The following TRPM3 variants were observed in gnomAD, a reference collection of about 807,000 sequenced individuals.
The protein encoded by TRPM3 is long transient receptor potential channel 3.
Under a neutral mutation model 181.2 loss-of-function variants are expected in TRPM3, and 77 were observed. The observed-to-expected ratio is 0.42, with a 90% CI of 0.35 to 0.51. The LOEUF is 0.51. Among genes scored for constraint, TRPM3 ranks in the 20% least tolerant of loss-of-function variants. The pLI is 0.01. For synonymous variants in TRPM3, 745 were observed against 796.4 expected (o/e 0.94, Z 1.09); for missense variants, 1,759 against 2,196.7 (o/e 0.80, Z 3.98).
chr9:70,995,945 T>C (rs1157889290), intron 1 of TRPM3, among the ~76,000 whole-genome samples: 9 of 152,192 alleles, frequency 5.9e-5, no homozygotes, highest in African/African-American at 1.9e-4. Context: ...CCCTGGAGCC[T>C]TAGGCTTTAT....
intron 22 of TRPM3, among the ~76,000 whole-genome samples, chr9:70,561,979 A>C (rs894711208): frequency 6.6e-6 from 1 of 152,224 alleles, no homozygotes; most frequent in Admixed American, 6.5e-5. Context: ...TTTTTAGGAA[A>C]GACTGAGCTC....
At chr9:71,227,672 A>C (rs138640866) in intron 1 of TRPM3, among the ~76,000 whole-genome samples, 278 of 152,276 alleles carry the variant, frequency 1.8e-3, no homozygotes, top group Non-Finnish European at 2.8e-3. Context: ...CCAATACTGC[A>C]GAAATCCAAA....
chr9:71,253,276 C>T (rs1425704331), intron 1 of TRPM3, among the ~76,000 whole-genome samples: 2 of 152,074 alleles, frequency 1.3e-5, no homozygotes, highest in Non-Finnish European at 1.5e-5. Context: ...GACTCAAAGA[C>T]AAATGTTTAT....
chr9:70,966,327 C>G (rs2097185175), intron 1 of TRPM3, among the ~76,000 whole-genome samples: 1 of 152,042 alleles, frequency 6.6e-6, no homozygotes, highest in South Asian at 2.1e-4. Context: ...TTGTGGAAAG[C>G]AGTGTGGCAA....
rs138405083 is a variant in TRPM3, at chr9:70,999,399, G to A, written c.177+121779C>T. 8.4e-4 allele frequency among the ~76,000 whole-genome samples: 128 copies of A among 152,306 alleles called. 1 individual carries two copies. The highest frequency in any genetic ancestry group is 1.7e-3 in the Non-Finnish European group (115 of 68,032). On this transcript the variant is annotated intron_variant, in intron 1 of 25. Transcript: ENST00000677713. Reference sequence around the variant, plus strand: ...GAATTTACTAGGACAGGGCACAGCTGTACCTGGGCCTGAACGTGATCTGAA... The same window carrying A: ...GAATTTACTAGGACAGGGCACAGCTATACCTGGGCCTGAACGTGATCTGAA...
intron 1 of TRPM3, among the ~76,000 whole-genome samples, chr9:71,291,605 A>C (rs2085817475): frequency 6.6e-6 from 1 of 152,128 alleles, no homozygotes; most frequent in South Asian, 2.1e-4. Flanking sequence ...AGGTAAAAGA[A>C]AGTCATTACC....
At chr9:71,330,943 A>G (rs1434321262) in intron 1 of TRPM3, among the ~76,000 whole-genome samples, 2 of 151,778 alleles carry the variant, frequency 1.3e-5, no homozygotes, top group East Asian at 1.9e-4. Flanking sequence ...GTTTTACAAG[A>G]CTTGTCTGGG....
chr9:70,690,804 A>G (rs2068303928), intron 8 of TRPM3, among the ~76,000 whole-genome samples: 1 of 152,222 alleles, frequency 6.6e-6, no homozygotes, highest in Admixed American at 6.5e-5. Context: ...CTGTAAGCAC[A>G]TATTAGCTTC....
At chr9:71,105,799 G>A (rs577504744) in intron 1 of TRPM3, among the ~76,000 whole-genome samples, 34 of 152,294 alleles carry the variant, frequency 2.2e-4, no homozygotes, top group African/African-American at 6.7e-4. Context: ...AACGTAGTAC[G>A]TGTATACACA....
chr9:70,980,940 A>T (rs1167145000), intron 1 of TRPM3, among the ~76,000 whole-genome samples: 2 of 152,194 alleles, frequency 1.3e-5, no homozygotes, highest in Non-Finnish European at 2.9e-5. Flanking sequence ...ATATTTATTT[A>T]AGGAATTGAA....
At chr9:71,172,405 T>A (rs7871124) in intron 1 of TRPM3, among the ~76,000 whole-genome samples, 2,258 of 152,088 alleles carry the variant, frequency 0.015, 42 homozygotes, top group African/African-American at 0.037. Flanking sequence ...AAATAGCAAG[T>A]CATAATTTTT....
At position 70,531,438 on chromosome 9, in the gene TRPM3, T is replaced by C. The variant is rs1304226750; in HGVS notation, c.*4515A>G. The stretch of plus-strand genomic sequence containing the variant: ...CAGCAGGCAATAGTAAAATGTTAAG[T>C]GCCTTAGAAAAGTCAAAAGAAATGC... On this transcript the variant is annotated 3_prime_UTR_variant, in exon 26 of 26. Transcript: ENST00000677713. 1 of 152,202 alleles carries C rather than the reference T, an allele frequency of 6.6e-6. No individual in the cohort carries two copies. The highest frequency in any genetic ancestry group is 1.9e-4 in the East Asian group (1 of 5,196). The allele number at this position is 152,202 out of a possible 1,614,324, so 9.4% of individuals were successfully genotyped here.
At chr9:70,627,266 T>A (rs1589491428) in intron 12 of TRPM3, among the ~76,000 whole-genome samples, 1 of 28,372 alleles carries the variant, frequency 3.5e-5, no homozygotes. Flanking sequence ...CCATTGCTGC[T>A]TTTTTTTTTT....
At chr9:71,071,163 C>A (rs2062715356) in intron 1 of TRPM3, among the ~76,000 whole-genome samples, 1 of 152,128 alleles carries the variant, frequency 6.6e-6, no homozygotes, top group Non-Finnish European at 1.5e-5. Context: ...ATGTGAGTGG[C>A]AGTCACATGT....
intron 9 of TRPM3, among the ~76,000 whole-genome samples, chr9:70,670,954 C>T (rs540184927): frequency 2.6e-5 from 4 of 152,214 alleles, no homozygotes; most frequent in South Asian, 4.1e-4. Flanking sequence ...GATTTAAGGA[C>T]ATCTAATCTG....
chr9:71,238,971 T>TA (rs2081515961), intron 1 of TRPM3, among the ~76,000 whole-genome samples: 1 of 152,138 alleles, frequency 6.6e-6, no homozygotes, highest in Non-Finnish European at 1.5e-5. Context: ...CCAAAATACA[T>TA]ATCTCAGACT....
intron 1 of TRPM3, among the ~76,000 whole-genome samples, chr9:71,261,878 T>C (rs944162178): frequency 1.3e-5 from 2 of 152,148 alleles, no homozygotes; most frequent in African/African-American, 4.8e-5. Flanking sequence ...CTCTGAAAGC[T>C]TCATCCCAGA....
At chr9:71,364,934 G>T (rs1424379978) in intron 1 of TRPM3, among the ~76,000 whole-genome samples, 1 of 152,018 alleles carries the variant, frequency 6.6e-6, no homozygotes, top group Non-Finnish European at 1.5e-5. Flanking sequence ...TTTTTGGAAA[G>T]AAAATAAAAT....
At chr9:71,337,389 C>T (rs941623700) in intron 1 of TRPM3, among the ~76,000 whole-genome samples, 1 of 152,110 alleles carries the variant, frequency 6.6e-6, no homozygotes, top group East Asian at 1.9e-4. Context: ...CCATCTCATG[C>T]CAGTTAGAAT....
Sources: allele counts gnomAD v4.1 joint callset (sites outside exome capture counted in the v4.1 genomes callset), GRCh38; gene constraint gnomAD v4.1.1; transcripts MANE v1.5; gene names NCBI Gene and HGNC (gene_info 2026-07-23, HGNC 2026-07-21).